Variants in ANKMY1 observed in about 807,000 individuals in gnomAD.
ANKMY1 encodes ankyrin repeat and MYND domain containing 1.
ANKMY1 carries 98 observed loss-of-function variants against 102.0 expected under a neutral mutation model. That is an observed-to-expected ratio of 0.96 (90% confidence interval 0.82 to 1.14). The LOEUF is 1.14. ANKMY1 is among the 50% of genes most tolerant of loss of function. ANKMY1 has a pLI of 0.00. For synonymous variants in ANKMY1, 582 were observed against 559.9 expected (o/e 1.04, Z -0.56); for missense variants, 1,330 against 1,347.6 (o/e 0.99, Z 0.20).
At chr2:240,510,875 C>T (rs533738019) in intron 11 of ANKMY1, among the ~76,000 whole-genome samples, 19 of 152,108 alleles carry the variant, frequency 1.2e-4, no homozygotes, top group African/African-American at 3.1e-4. Flanking sequence ...CACAAGTGTG[C>T]GAACAGAAAG....
chr2:240,505,304 A>G (rs1335433199), intron 13 of ANKMY1, among the ~76,000 whole-genome samples: 1 of 151,790 alleles, frequency 6.6e-6, no homozygotes, highest in East Asian at 1.9e-4. Flanking sequence ...TCTACTAAAA[A>G]TATAAAAATC....
At chr2:240,487,145 T>C (rs1409171114) in intron 15 of ANKMY1, among the ~76,000 whole-genome samples, 3 of 152,184 alleles carry the variant, frequency 2.0e-5, no homozygotes, top group Non-Finnish European at 4.4e-5. Context: ...TACTCACCCT[T>C]CCCAGTCTCT....
chr2:240,514,259 T>C (rs1489106163), intron 9 of ANKMY1, among the ~76,000 whole-genome samples: 1 of 152,096 alleles, frequency 6.6e-6, no homozygotes, highest in African/African-American at 2.4e-5. Flanking sequence ...GAGAGAGAGC[T>C]GGGGTTCTAA....
rs1443553735 is a variant in ANKMY1 at position 240,480,988 on chromosome 2, TG to T, written c.2994del (p.Lys999ArgfsTer18). 1 of 1,613,814 alleles carries T rather than the reference TG, an allele frequency of 6.2e-7. No individual in the cohort carries two copies. The highest frequency in any genetic ancestry group is 1.3e-5 in the African/African-American group (1 of 75,050). On this transcript the variant is annotated frameshift_variant, in exon 17 of 18. Transcript: ENST00000401804. LOFTEE classifies it high-confidence loss of function. ...TTCTTGTGGAACTCGGTCCAGGCCT[TG>T]GTCTTGCAGTACTTGCTGCAGGTCA... is the stretch of plus-strand genomic sequence containing the variant. ...GILTCSKYCK[T>X]KAWTEFHKKD...
Position 240,520,464 on chromosome 2 carries a change from C to G in ANKMY1, c.1902G>C (p.Val634=), listed in dbSNP as rs201466620. The change falls in exon 9 of 18, where the codon GTG becomes GTC. Residue 634 remains valine, a synonymous_variant. Transcript: ENST00000401804. This position sits in a 1 kb window ranked among gnomAD's most constrained non-coding sequence, Gnocchi z 4.8. The stretch of plus-strand genomic sequence containing the variant: ...CAGCAAGGAACAGGACCTGCATGGG[C>G]ACGCAGCACAGGTTGGGGTCCGCGC... The part of the protein sequence containing the change: ...RRGADPNLCC[V]PMQVLFLAVK... The G allele has an allele frequency of 1.7e-5, 28 of 1,613,468 alleles. No homozygotes were observed. Among genetic ancestry groups the G allele is most frequent in the Non-Finnish European group, 2.2e-5 (26 of 1,179,796 alleles).
chr2:240,557,399 G>A (rs980636601), intron 1 of ANKMY1, 47 bp from the exon 2 acceptor site: 7 of 1,412,766 alleles, frequency 5.0e-6, no homozygotes, highest in South Asian at 3.2e-5. Flanking sequence ...GGCTCCCGCC[G>A]CGAACTCAGA....
At chr2:240,545,121 T>C (rs1211020039) in intron 4 of ANKMY1, among the ~76,000 whole-genome samples, 1 of 152,164 alleles carries the variant, frequency 6.6e-6, no homozygotes, top group Non-Finnish European at 1.5e-5. Flanking sequence ...CTGACAGCTT[T>C]GAAGAGAGCA....
At chr2:240,474,886 T>C (rs1200234888), downstream of ANKMY1, among the ~76,000 whole-genome samples, 1 of 152,240 alleles carries the variant, frequency 6.6e-6, no homozygotes. Context: ...TGAACATATG[T>C]GTGCATATAT....
At position 240,517,090 on chromosome 2, in the gene ANKMY1, G is replaced by T. The variant is rs960658144; in HGVS notation, c.2004+3272C>A. On this transcript the variant is annotated intron_variant, in intron 9 of 17. Coordinates refer to ENST00000401804, the MANE Select transcript of ANKMY1 (RefSeq NM_001282771.3). ...ACTATGCAAATATTTTTAATTCATGGCAATGTATTTGTTTGCATACATTTA... is the reference window on the plus strand; with the variant it reads ...ACTATGCAAATATTTTTAATTCATGTCAATGTATTTGTTTGCATACATTTA... 3.0e-4 allele frequency among the ~76,000 whole-genome samples: 46 copies of T among 152,252 alleles called. 1 individual carries two copies. Among genetic ancestry groups the T allele is most frequent in the Admixed American group, 2.6e-3 (40 of 15,298 alleles).
intron 7 of ANKMY1, among the ~76,000 whole-genome samples, chr2:240,525,013 T>G (rs2083071421): frequency 6.6e-6 from 1 of 152,210 alleles, no homozygotes; most frequent in South Asian, 2.1e-4. Context: ...AAAACTGTAT[T>G]TGTTTTATCT....
chr2:240,542,546 T>C (rs1010283305), intron 4 of ANKMY1, among the ~76,000 whole-genome samples: 4 of 151,942 alleles, frequency 2.6e-5, no homozygotes, highest in Non-Finnish European at 5.9e-5. Context: ...CTGCTTTACC[T>C]AAAATTTTGG....
chr2:240,478,648 A>T (rs2075022583), downstream of ANKMY1, among the ~76,000 whole-genome samples: 1 of 151,702 alleles, frequency 6.6e-6, no homozygotes. Flanking sequence ...CTCACTGCTG[A>T]CCCCTTACAG....
At position 240,524,222 on chromosome 2, in the gene ANKMY1, C is replaced by T. The variant is rs3796119; in HGVS notation, c.1495G>A (p.Glu499Lys). ...LLLPRVSGSH[E>K]GGHFQDTGQC... is the part of the protein sequence containing the mutation. ...CCGGTGTCCTGGAAGTGGCCGCCCT[C>T]GTGGCTGCCTGAGACGCGTGGCAGG... The change falls in exon 8 of 18, where the codon GAG (glutamate) becomes AAG (lysine). Residue 499 changes from glutamate to lysine, a missense_variant. Transcript: ENST00000401804. The T allele has an allele frequency of 0.017, 26,666 of 1,613,830 alleles. 598 individuals carry two copies. The highest frequency in any genetic ancestry group is 0.087 in the South Asian group (7,909 of 91,084).
At chr2:240,551,920 A>G (rs2091596012) in intron 4 of ANKMY1, among the ~76,000 whole-genome samples, 1 of 152,220 alleles carries the variant, frequency 6.6e-6, no homozygotes, top group Non-Finnish European at 1.5e-5. Context: ...AAAGACCTTC[A>G]GGCCTCTCAA....
chr2:240,541,840 T>C (rs1274868981), intron 4 of ANKMY1, among the ~76,000 whole-genome samples: 1 of 152,268 alleles, frequency 6.6e-6, no homozygotes, highest in East Asian at 1.9e-4. Context: ...CAGATTAGTC[T>C]GTTTCAGGTG....
intron 15 of ANKMY1, among the ~76,000 whole-genome samples, chr2:240,492,341 T>A (rs2151942529): frequency 6.6e-6 from 1 of 152,334 alleles, no homozygotes; most frequent in Non-Finnish European, 1.5e-5. Context: ...CCCTTAAGGA[T>A]ACCAATAATT....
chr2:240,506,652 C>A lies in ANKMY1; in HGVS notation c.2526+908G>T, dbSNP rs1002507359. The stretch of plus-strand genomic sequence containing the variant: ...CCCCATTCCAGACGCCTGAGTCTCA[C>A]CCCCCTCCTCCTTCCCCCTTTTTCT... On this transcript the variant is annotated intron_variant, in intron 13 of 17. Coordinates refer to ENST00000401804, the MANE Select transcript of ANKMY1 (RefSeq NM_001282771.3). The surrounding 1 kb of genome is among the most constrained non-coding windows in gnomAD (Gnocchi z 4.9). 6.2e-4 allele frequency among the ~76,000 whole-genome samples: 91 copies of A among 147,258 alleles called. No homozygotes were observed. The highest frequency in any genetic ancestry group is 2.3e-3 in the African/African-American group (91 of 39,214).
At position 240,501,092 on chromosome 2, in the gene ANKMY1, G is replaced by A. The variant is rs865823500; in HGVS notation, c.2527-527C>T. Among the ~76,000 whole-genome samples, 19 of 151,938 alleles carry A rather than the reference G, an allele frequency of 1.3e-4. No individual in the cohort carries two copies. The South Asian group carries it at 2.1e-3, about 17-fold the overall frequency. On this transcript the variant is annotated intron_variant, in intron 13 of 17. Coordinates refer to ENST00000401804, the MANE Select transcript of ANKMY1 (RefSeq NM_001282771.3). ...CATGGGTGGCTGGGTGTGTGCCTGC[G>A]TGTATGTGGGTGTGTGGATATGTGT... is the stretch of plus-strand genomic sequence containing the variant.
chr2:240,526,171 T>C, intron 6 of ANKMY1, 58 bp downstream of exon 6: 1 of 1,594,504 alleles, frequency 6.3e-7, no homozygotes, highest in Non-Finnish European at 8.6e-7. Flanking sequence ...GCCACCCACA[T>C]GTGTGACCCT....
Sources: gnomAD v4.1 joint callset for allele counts (sites outside exome capture counted in the v4.1 genomes callset) on GRCh38, gnomAD v4.1.1 for gene constraint, Gnocchi (gnomAD v3.1) non-coding constraint, MANE v1.5 for transcripts, NCBI Gene and HGNC (gene_info 2026-07-23, HGNC 2026-07-21) for gene names.